ZNF292: variants seen among roughly 807,000 people sequenced by gnomAD.
ZNF292 encodes zinc finger protein 292, also known as 16 zinc-finger domain protein.
In ZNF292, 26 loss-of-function variants were observed where a neutral mutation model predicts 217.9. That is an observed-to-expected ratio of 0.12 (90% CI 0.09 to 0.17). The LOEUF is 0.17. Among genes scored for constraint, ZNF292 ranks in the 10% least tolerant of loss-of-function variants. The pLI, the probability that ZNF292 is intolerant of heterozygous loss-of-function variation, is 1.00. For missense variants in ZNF292, 2,904 were observed against 3,175.2 expected (o/e 0.91, Z 2.05); for synonymous variants, 1,257 against 1,124.1 (o/e 1.12, Z -2.37).
At chr6:87,238,268 C>T (rs1321106962) in intron 5 of ZNF292, among the ~76,000 whole-genome samples, 1 of 152,060 alleles carries the variant, frequency 6.6e-6, no homozygotes, top group East Asian at 1.9e-4. Context: ...GGGTGTATCA[C>T]CTGAGGTCAG....
chr6:87,256,735 C>A lies in ZNF292; in HGVS notation c.3106C>A (p.Gln1036Lys). The change falls in exon 8 of 8, where the codon CAG (glutamine) becomes AAG (lysine). Residue 1036 changes from glutamine (Q) to lysine (K), a missense_variant. Physicochemically the swap from Gln to Lys is moderately conservative, Grantham distance 53. This residue lies in a region of ZNF292 where 687 missense variants were observed against 623.0 expected (regional missense o/e 1.10). Coordinates refer to ENST00000369577, the MANE Select transcript of ZNF292 (RefSeq NM_015021.3). ...CTTGATGACCTTTTCTGTGCAAAAT[C>A]AGGCAGCATTTCAAAACAATTTACC... is the stretch of plus-strand genomic sequence containing the variant. The part of the protein sequence containing the change: ...NNLMTFSVQN[Q>K]AAFQNNLPTS... 6.2e-7 allele frequency: 1 copy of A among 1,612,642 alleles called. No individual in the cohort carries two copies. The highest frequency in any genetic ancestry group is 8.5e-7 in the Non-Finnish European group (1 of 1,179,806).
At chr6:87,169,383 A>C (rs561320324) in intron 1 of ZNF292, among the ~76,000 whole-genome samples, 1 of 152,012 alleles carries the variant, frequency 6.6e-6, no homozygotes, top group South Asian at 2.1e-4. Flanking sequence ...GTTTTGTTGA[A>C]TCTATGGGTA....
intron 1 of ZNF292, among the ~76,000 whole-genome samples, chr6:87,189,034 G>C (rs1304371221): frequency 6.6e-6 from 1 of 151,856 alleles, no homozygotes; most frequent in African/African-American, 2.4e-5. Context: ...GCAAAACCCT[G>C]TCTCTACTAG....
chr6:87,189,808 C>G (rs762916521), intron 1 of ZNF292, among the ~76,000 whole-genome samples: 2 of 152,116 alleles, frequency 1.3e-5, no homozygotes, highest in African/African-American at 2.4e-5. Context: ...CCATACTGTA[C>G]TCGGAAGGAA....
chr6:87,257,057 A>T lies in ZNF292; in HGVS notation c.3428A>T (p.Asn1143Ile), dbSNP rs368700776. 1 of 1,613,800 alleles carries T rather than the reference A, an allele frequency of 6.2e-7. No homozygotes were observed. Among genetic ancestry groups the T allele is most frequent in the African/African-American group, 1.3e-5 (1 of 74,938 alleles). ...QRKSKKGQKA[N>I]NLNTPNNGKF... is the part of the protein sequence containing the mutation. ...AAAAGTAAAAAAGGTCAGAAAGCTAACAACTTAAATACACCAAATAATGGA... is the reference window on the plus strand; with the variant it reads ...AAAAGTAAAAAAGGTCAGAAAGCTATCAACTTAAATACACCAAATAATGGA... Residue 1143 changes from asparagine (N) to isoleucine (I), a missense_variant, in exon 8 of 8, where the codon AAC (asparagine) becomes ATC (isoleucine). By Grantham distance (149) the Asn-to-Ile change is moderately radical. Coordinates refer to ENST00000369577, the MANE Select transcript of ZNF292 (RefSeq NM_015021.3).
chr6:87,255,611 A>C lies in ZNF292; in HGVS notation c.1982A>C (p.Lys661Thr). The C allele has an allele frequency of 6.2e-7, 1 of 1,612,154 alleles. No homozygotes were observed. The highest frequency in any genetic ancestry group is 8.5e-7 in the Non-Finnish European group (1 of 1,178,910). Residue 661 changes from lysine to threonine, a missense_variant, in exon 8 of 8, where the codon AAA becomes ACA. Lys to Thr is a moderately conservative substitution (Grantham distance 78). Coordinates refer to ENST00000369577, the MANE Select transcript of ZNF292 (RefSeq NM_015021.3). Reference sequence around the variant, plus strand: ...GGTTCAGATGATGAGAATGATGACAAAGATAAATCCTATGAGCCAGAAGTG... The same window carrying C: ...GGTTCAGATGATGAGAATGATGACACAGATAAATCCTATGAGCCAGAAGTG... ...NDGSDDENDD[K>T]DKSYEPEVIP... is the part of the protein sequence containing the mutation.
chr6:87,180,159 A>G (rs1292036471), intron 1 of ZNF292, among the ~76,000 whole-genome samples: 1 of 152,244 alleles, frequency 6.6e-6, no homozygotes, highest in Non-Finnish European at 1.5e-5. Flanking sequence ...GCAAAACAAA[A>G]CAAAACAAAA....
rs967999983 is a variant in ZNF292 at position 87,239,282 on chromosome 6, G to A, written c.742-4193G>A. 4.7e-5 allele frequency among the ~76,000 whole-genome samples: 7 copies of A among 150,334 alleles called. No homozygotes were observed. The South Asian group carries it at 8.5e-4, about 18-fold the overall frequency. The stretch of plus-strand genomic sequence containing the variant: ...CGGGCAAAGGCACCCCTCACCTCCC[G>A]GACGGGGCGCCAGCTGGGCAGAGGC... On this transcript the variant is annotated intron_variant, in intron 5 of 7. Coordinates refer to ENST00000369577, the MANE Select transcript of ZNF292 (RefSeq NM_015021.3).
At position 87,233,716 on chromosome 6, in the gene ZNF292, A is replaced by G. The variant is rs79997996; in HGVS notation, c.741+189A>G. On this transcript the variant is annotated intron_variant, in intron 5 of 7. Transcript: ENST00000369577. ...TTAGAATTATATGTAAACTGATTGCACCTAGTTTCTGTTTTAAATAATATA... is the reference window on the plus strand; with the variant it reads ...TTAGAATTATATGTAAACTGATTGCGCCTAGTTTCTGTTTTAAATAATATA... 9.2e-4 allele frequency: 823 copies of G among 893,768 alleles called. 1 individual carries two copies. The highest frequency in any genetic ancestry group is 1.0e-3 in the Non-Finnish European group (782 of 746,466). The allele number at this position is 893,768 out of a possible 1,614,324, so 55.4% of individuals were successfully genotyped here.
intron 1 of ZNF292, among the ~76,000 whole-genome samples, chr6:87,156,053 C>T (rs1770521215): frequency 6.6e-6 from 1 of 152,250 alleles, no homozygotes; most frequent in Non-Finnish European, 1.5e-5. Context: ...GAAATGTACA[C>T]GGTGCGGATT....
At chr6:87,185,754 C>G (rs1380526786) in intron 1 of ZNF292, among the ~76,000 whole-genome samples, 1 of 152,222 alleles carries the variant, frequency 6.6e-6, no homozygotes, top group Non-Finnish European at 1.5e-5. Context: ...TAGGCATGAG[C>G]CACCACGCCC....
At chr6:87,172,437 A>ATAG (rs1168537618) in intron 1 of ZNF292, among the ~76,000 whole-genome samples, 2 of 152,238 alleles carry the variant, frequency 1.3e-5, no homozygotes, top group South Asian at 4.1e-4. Context: ...GTGGGAAAGA[A>ATAG]TAGTGAGTAT....
In ZNF292 at chr6:87,258,242, A is replaced by C; in HGVS notation, c.4613A>C (p.His1538Pro). The change falls in exon 8 of 8, where the codon CAC becomes CCC. Residue 1538 changes from histidine (H) to proline (P), a missense_variant. This residue lies in a region of ZNF292 where 622 missense variants were observed against 573.1 expected (regional missense o/e 1.09). Transcript: ENST00000369577. ...AATCCAACTGTACCACCCCTGTTGC[A>C]CACTGTATGCCATCCAAACACCTTG... ...MPNPTVPPLL[H>P]TVCHPNTLLT... 6.2e-7 allele frequency: 1 copy of C among 1,612,804 alleles called. No homozygotes were observed. Among genetic ancestry groups the C allele is most frequent in the Non-Finnish European group, 8.5e-7 (1 of 1,179,488 alleles).
At chr6:87,222,874 GT>G in intron 4 of ZNF292, 1 of 452,400 alleles carries the variant, frequency 2.2e-6, no homozygotes, top group Non-Finnish European at 4.4e-6. Context: ...GACCTTGACA[GT>G]TTTGAGGAGT....
intron 1 of ZNF292, among the ~76,000 whole-genome samples, chr6:87,158,129 C>CA (rs532438167): frequency 1.3e-5 from 2 of 152,074 alleles, no homozygotes; most frequent in East Asian, 1.9e-4. Context: ...ATGCTACTGA[C>CA]AAAAAAACAT....
intron 5 of ZNF292, among the ~76,000 whole-genome samples, chr6:87,238,698 T>A (rs1044677788): frequency 2.0e-5 from 3 of 151,820 alleles, no homozygotes; most frequent in Non-Finnish European, 2.9e-5. Context: ...TATTTTTTTT[T>A]TAATTGATCA....
At chr6:87,214,063 T>G (rs972604306) in intron 1 of ZNF292, among the ~76,000 whole-genome samples, 3 of 152,188 alleles carry the variant, frequency 2.0e-5, no homozygotes, top group Non-Finnish European at 4.4e-5. Flanking sequence ...CCCCAGCACC[T>G]GCAAAAGTGA....
At chr6:87,231,438 C>CCTT (rs997770186) in intron 4 of ZNF292, among the ~76,000 whole-genome samples, 6 of 152,156 alleles carry the variant, frequency 3.9e-5, no homozygotes, top group African/African-American at 1.4e-4. Flanking sequence ...AAGTCACTTG[C>CCTT]CTTCTCTGAG....
Position 87,260,135 on chromosome 6 carries a change from T to G in ZNF292, c.6506T>G (p.Leu2169Trp), listed in dbSNP as rs1562193431. The change falls in exon 8 of 8, where the codon TTG becomes TGG. Residue 2169 changes from leucine to tryptophan, a missense_variant. Physicochemically the swap from Leu to Trp is moderately conservative, Grantham distance 61. This residue lies in a region of ZNF292 where 261 missense variants were observed against 272.8 expected (regional missense o/e 0.96). Transcript: ENST00000369577. The stretch of plus-strand genomic sequence containing the variant: ...GAAGAAACTGAAACTAAACAAACTT[T>G]GAAAGAATTTCGATGTCAGGTAAGT... ...ESEETETKQT[L>W]KEFRCQVSDC... 3 of 1,613,376 alleles carry G rather than the reference T, an allele frequency of 1.9e-6. No homozygotes were observed. Among genetic ancestry groups the G allele is most frequent in the Non-Finnish European group, 2.5e-6 (3 of 1,179,528 alleles).
Sources: allele counts gnomAD v4.1 joint callset (sites outside exome capture counted in the v4.1 genomes callset), GRCh38; gene constraint gnomAD v4.1.1; regional missense constraint gnomAD v4.1.1; transcripts MANE v1.5; gene names NCBI Gene and HGNC (gene_info 2026-07-23, HGNC 2026-07-21).